Variants in KLB observed in about 807,000 individuals in gnomAD.
KLB encodes the protein klotho beta, also known as beta-klotho.
KLB carries 44 observed loss-of-function variants against 88.4 expected under a neutral mutation model. The observed-to-expected ratio is 0.50, with a 90% CI of 0.39 to 0.64. The LOEUF (loss-of-function observed/expected upper bound fraction) is 0.64. Ranked by LOEUF, KLB falls within the 30% of genes least tolerant of loss-of-function variation. KLB has a pLI of 0.00. For synonymous variants in KLB, 548 were observed against 513.4 expected (o/e 1.07, Z -0.91); for missense variants, 1,137 against 1,304.8 (o/e 0.87, Z 1.98).
intron 1 of KLB, among the ~76,000 whole-genome samples, chr4:39,409,511 C>G (rs59222749): frequency 0.2 from 29,560 of 150,414 alleles, 2,985 homozygotes; most frequent in East Asian, 0.35. Context: ...GGCTGGTCTC[C>G]AACTCCTGAC....
chr4:39,414,047 A>C (rs1296323127), intron 1 of KLB, among the ~76,000 whole-genome samples: 1 of 152,056 alleles, frequency 6.6e-6, no homozygotes, highest in African/African-American at 2.4e-5. Flanking sequence ...GACAATCAAA[A>C]ATGTCTCCAG....
chr4:39,447,238 G>A lies in KLB; in HGVS notation c.2512G>A (p.Gly838Ser), dbSNP rs1178654047. The A allele has an allele frequency of 1.2e-5, 20 of 1,613,938 alleles. No homozygotes were observed. The highest frequency in any genetic ancestry group is 1.4e-5 in the Non-Finnish European group (17 of 1,180,036). The change falls in exon 4 of 5, where the codon GGC (glycine) becomes AGC (serine). Residue 838 changes from glycine to serine, a missense_variant. By Grantham distance (56) the Gly-to-Ser change is moderately conservative (BLOSUM62 0). This residue lies in a region of KLB where 426 missense variants were observed against 404.6 expected (regional missense o/e 1.05). Coordinates refer to ENST00000257408, the MANE Select transcript of KLB (RefSeq NM_175737.4). Reference sequence around the variant, plus strand: ...GTTCGTGATGCACGAGCAGCTGGCCGGCAGCCGCTACGACTCGGACAGGGA... The same window carrying A: ...GTTCGTGATGCACGAGCAGCTGGCCAGCAGCCGCTACGACTCGGACAGGGA... ...TRFVMHEQLA[G>S]SRYDSDRDIQ...
At chr4:39,430,307 A>G (rs899817380) in intron 1 of KLB, among the ~76,000 whole-genome samples, 1 of 152,012 alleles carries the variant, frequency 6.6e-6, no homozygotes, top group African/African-American at 2.4e-5. Context: ...TCCATGAATG[A>G]TAGCTCTAAG....
At chr4:39,409,354 G>T (rs866154711) in intron 1 of KLB, among the ~76,000 whole-genome samples, 2 of 149,540 alleles carry the variant, frequency 1.3e-5, no homozygotes, top group Non-Finnish European at 3.0e-5. Flanking sequence ...GTGCAATGGC[G>T]CAGTCTTGGC....
chr4:39,417,085 T>G (rs1742979290), intron 1 of KLB, among the ~76,000 whole-genome samples: 1 of 110,162 alleles, frequency 9.1e-6, no homozygotes, highest in African/African-American at 3.3e-5. Context: ...GAAATTATTT[T>G]CTTTAATTGA....
chr4:39,446,646 C>T lies in KLB; in HGVS notation c.1920C>T (p.Thr640=). ...AGCTTGGCATCTCCGCGATGGTCAC[C>T]CTGTATTATCCGACCCACGCCCACC... ...GLKLGISAMV[T]LYYPTHAHLG... The change falls in exon 4 of 5, where the codon ACC becomes ACT. Residue 640 remains threonine, a synonymous_variant. Transcript: ENST00000257408. The surrounding 1 kb of genome is among the most constrained non-coding windows in gnomAD (Gnocchi z 6.4). 1.2e-6 allele frequency: 2 copies of T among 1,613,046 alleles called. No individual in the cohort carries two copies. The highest frequency in any genetic ancestry group is 1.7e-6 in the Non-Finnish European group (2 of 1,179,342).
chr4:39,446,677 C>T lies in KLB; in HGVS notation c.1951C>T (p.Leu651Phe). ...LYYPTHAHLG[L>F]PEPLLHADGW... Reference sequence around the variant, plus strand: ...TTATCCGACCCACGCCCACCTAGGCCTCCCCGAGCCTCTGTTGCATGCCGA... The same window carrying T: ...TTATCCGACCCACGCCCACCTAGGCTTCCCCGAGCCTCTGTTGCATGCCGA... The change falls in exon 4 of 5, where the codon CTC (leucine) becomes TTC (phenylalanine). Residue 651 changes from leucine to phenylalanine, a missense_variant. Physicochemically the swap from Leu to Phe is conservative, Grantham distance 22 (BLOSUM62 0). Around this residue, in one of 4 missense-constraint regions of KLB, gnomAD observed 597 missense variants for 765.2 expected, o/e 0.78. Coordinates refer to ENST00000257408, the MANE Select transcript of KLB (RefSeq NM_175737.4). This position sits in a 1 kb window ranked among gnomAD's most constrained non-coding sequence, Gnocchi z 6.4. 1.2e-6 allele frequency: 2 copies of T among 1,611,660 alleles called. No homozygotes were observed. The highest frequency in any genetic ancestry group is 1.7e-6 in the Non-Finnish European group (2 of 1,178,668).
In KLB at chr4:39,447,077, C is replaced by A; in HGVS notation, c.2351C>A (p.Ala784Glu). 6.2e-7 allele frequency: 1 copy of A among 1,612,942 alleles called. No individual in the cohort carries two copies. Among genetic ancestry groups the A allele is most frequent in the Admixed American group, 1.7e-5 (1 of 60,014 alleles). The change falls in exon 4 of 5, where the codon GCG becomes GAG. Residue 784 changes from alanine (A) to glutamate (E), a missense_variant. Coordinates refer to ENST00000257408, the MANE Select transcript of KLB (RefSeq NM_175737.4). ...CTCTTCAAGACCGGGGACTACCCCGCGGCCATGAGGGAATACATTGCCTCC... is the reference window on the plus strand; with the variant it reads ...CTCTTCAAGACCGGGGACTACCCCGAGGCCATGAGGGAATACATTGCCTCC... ...EPLFKTGDYPAAMREYIASKH... is the reference protein window; with the variant it reads ...EPLFKTGDYPEAMREYIASKH...
At position 39,434,235 on chromosome 4, in the gene KLB, A is replaced by G; in HGVS notation, c.851A>G (p.Tyr284Cys). The G allele has an allele frequency of 6.2e-7, 1 of 1,611,864 alleles. No homozygotes were observed. The highest frequency in any genetic ancestry group is 1.1e-5 in the South Asian group (1 of 90,554). ...IKAHSKVWHN[Y>C]NTHFRPHQKG... The stretch of plus-strand genomic sequence containing the variant: ...GCTCACTCGAAAGTTTGGCATAACT[A>G]CAACACACATTTCCGCCCACATCAG... The change falls in exon 2 of 5, where the codon TAC becomes TGC. Residue 284 changes from tyrosine to cysteine, a missense_variant. Physicochemically the swap from Tyr to Cys is radical, Grantham distance 194. Transcript: ENST00000257408.
intron 3 of KLB, among the ~76,000 whole-genome samples, chr4:39,442,159 G>A (rs1743612742): frequency 6.6e-6 from 1 of 151,758 alleles, no homozygotes; most frequent in Non-Finnish European, 1.5e-5. Flanking sequence ...CAGGAGAATC[G>A]CTTGAGCCCG....
Position 39,448,500 on chromosome 4 carries a change from AGAGTG to A in KLB, c.2950_2954del (p.Glu984HisfsTer59). 3.1e-6 allele frequency: 5 copies of A among 1,614,152 alleles called. No homozygotes were observed. The highest frequency in any genetic ancestry group is 4.2e-6 in the Non-Finnish European group (5 of 1,179,970). Reference sequence around the variant, plus strand: ...GATGCAGTCAGACCCAAGAAAATACAGAGTGCACTGTCTGCTTATTCCTTGTGCAG... The same window carrying A: ...GATGCAGTCAGACCCAAGAAAATACACACTGTCTGCTTATTCCTTGTGCAG... On this transcript the variant is annotated frameshift_variant, in exon 5 of 5. Transcript: ENST00000257408. LOFTEE classifies it high-confidence loss of function.
intron 4 of KLB, among the ~76,000 whole-genome samples, chr4:39,448,069 GATTA>G (rs1333905173): frequency 5.9e-5 from 9 of 151,980 alleles, no homozygotes; most frequent in African/African-American, 1.9e-4. Flanking sequence ...AGAGTTTTTG[GATTA>G]TTTATGGATC....
At chr4:39,415,695 T>C (rs1578201854) in intron 1 of KLB, among the ~76,000 whole-genome samples, 1 of 152,116 alleles carries the variant, frequency 6.6e-6, no homozygotes, top group Non-Finnish European at 1.5e-5. Context: ...AATACAATAG[T>C]CAATAAAGTA....
At chr4:39,430,407 T>TAAAAAAAAAAA (rs1743319594) in intron 1 of KLB, among the ~76,000 whole-genome samples, 1 of 116,264 alleles carries the variant, frequency 8.6e-6, no homozygotes. Flanking sequence ...TGTTTCTAAT[T>TAAAAAAAAAAA]AGAAAAAAAA....
At chr4:39,440,144 CTTCTT>C (rs541844863) in intron 3 of KLB, among the ~76,000 whole-genome samples, 2 of 149,082 alleles carry the variant, frequency 1.3e-5, no homozygotes, top group African/African-American at 2.5e-5. Context: ...TTTCTCTTCT[CTTCTT>C]TTCTTTTCTT....
intron 1 of KLB, among the ~76,000 whole-genome samples, chr4:39,432,828 C>G (rs1251694559): frequency 6.6e-6 from 1 of 152,024 alleles, no homozygotes; most frequent in Non-Finnish European, 1.5e-5. Context: ...CTATTCTGTG[C>G]TACATATTTC....
chr4:39,413,399 C>T (rs1001715891), intron 1 of KLB, among the ~76,000 whole-genome samples: 1 of 152,094 alleles, frequency 6.6e-6, no homozygotes, highest in Non-Finnish European at 1.5e-5. Flanking sequence ...ATAACTCATT[C>T]TGTTTATTAC....
At chr4:39,429,993 T>C (rs1484180015) in intron 1 of KLB, among the ~76,000 whole-genome samples, 2 of 152,210 alleles carry the variant, frequency 1.3e-5, no homozygotes, top group Non-Finnish European at 2.9e-5. Flanking sequence ...CTGTGGAACG[T>C]GAAGGTCACC....
In KLB at chr4:39,431,031, C is replaced by A. The variant is rs1177870667; in HGVS notation, c.826-3179C>A. Among the ~76,000 whole-genome samples the A allele has an allele frequency of 2.6e-5, 4 of 151,682 alleles. No individual in the cohort carries two copies. The East Asian group carries it at 7.7e-4, about 29-fold the overall frequency. ...TCCCTGGCTCAAATGATCTTCCAACCTCAGCTTCCTGAGTAGCTGGGACTA... is the reference window on the plus strand; with the variant it reads ...TCCCTGGCTCAAATGATCTTCCAACATCAGCTTCCTGAGTAGCTGGGACTA... On this transcript the variant is annotated intron_variant, in intron 1 of 4. Coordinates refer to ENST00000257408, the MANE Select transcript of KLB (RefSeq NM_175737.4).
Sources: gnomAD v4.1 joint callset for allele counts (sites outside exome capture counted in the v4.1 genomes callset) on GRCh38, gnomAD v4.1.1 for gene constraint, gnomAD v4.1.1 regional missense constraint, Gnocchi (gnomAD v3.1) non-coding constraint, MANE v1.5 for transcripts, NCBI Gene and HGNC (gene_info 2026-07-23, HGNC 2026-07-21) for gene names.